MCF2L: variants seen among roughly 807,000 people sequenced by gnomAD.
MCF2L encodes the protein guanine nucleotide exchange factor DBS.
MCF2L carries 97 observed loss-of-function variants against 153.4 expected under a neutral mutation model. That is an observed-to-expected ratio of 0.63 (90% confidence interval 0.54 to 0.75). The LOEUF is 0.75. Ranked by LOEUF, MCF2L falls within the 30% of genes least tolerant of loss-of-function variation. The pLI, the probability that MCF2L is intolerant of heterozygous loss-of-function variation, is 0.00. For missense variants in MCF2L, 1,347 were observed against 1,495.2 expected (o/e 0.90, Z 1.64); for synonymous variants, 659 against 632.2 (o/e 1.04, Z -0.64).
At chr13:113,010,451 TG>T (rs2084016736) in intron 1 of MCF2L, 1 of 152,186 alleles carries the variant, frequency 6.6e-6, no homozygotes, top group Admixed American at 6.5e-5. Flanking sequence ...AAGTCAGTGG[TG>T]GGGCCTCACC....
chr13:112,955,777 G>A (rs913408792), intron 2 of MCF2L, among the ~76,000 whole-genome samples: 4 of 152,208 alleles, frequency 2.6e-5, no homozygotes, highest in Admixed American at 2.0e-4. Flanking sequence ...CTTGTCTGCT[G>A]TCGGAGAGTG....
intron 1 of MCF2L, chr13:113,001,619 C>A: frequency 8.4e-7 from 1 of 1,191,820 alleles, no homozygotes; most frequent in Admixed American, 4.2e-5. Context: ...ACACCAGGAA[C>A]CTGAAGCCTC....
rs1025555345 is a variant in MCF2L at position 113,028,519 on chromosome 13, G to A, written c.278+3761G>A. Among the ~76,000 whole-genome samples, 1 of 152,212 alleles carries A rather than the reference G, an allele frequency of 6.6e-6. No homozygotes were observed. Among genetic ancestry groups the A allele is most frequent in the African/African-American group, 2.4e-5 (1 of 41,452 alleles). ...GCGCATCTGTGAGTCGCACAGCCTGGTCTGGCTGAAGGTGGCCGGAGCGCA... is the reference window on the plus strand; with the variant it reads ...GCGCATCTGTGAGTCGCACAGCCTGATCTGGCTGAAGGTGGCCGGAGCGCA... On this transcript the variant is annotated intron_variant, in intron 3 of 29. Transcript: ENST00000535094. The surrounding 1 kb of genome is among the most constrained non-coding windows in gnomAD (Gnocchi z 5.4).
At chr13:112,991,881 C>T (rs1408140012) in intron 1 of MCF2L, among the ~76,000 whole-genome samples, 1 of 152,282 alleles carries the variant, frequency 6.6e-6, no homozygotes, top group South Asian at 2.1e-4. Context: ...ATTCAGCCCA[C>T]GAAAACAATT....
rs1186802169 is a variant in MCF2L, at chr13:112,983,128, G to T, written c.79+13670G>T. 6.6e-6 allele frequency among the ~76,000 whole-genome samples: 1 copy of T among 152,096 alleles called. No homozygotes were observed. Among genetic ancestry groups the T allele is most frequent in the Non-Finnish European group, 1.5e-5 (1 of 68,020 alleles). ...GTTCAGGTGCGGCCCACGGGCTGTG[G>T]CAGGGACGCAGCACTCAGCAGGTGC... is the stretch of plus-strand genomic sequence containing the variant. On this transcript the variant is annotated intron_variant, in intron 1 of 29. Coordinates refer to ENST00000535094, the MANE Select transcript of MCF2L (RefSeq NM_001112732.3). This position sits in a 1 kb window ranked among gnomAD's most constrained non-coding sequence, Gnocchi z 4.0.
chr13:113,084,636 T>TC (rs1566868560), intron 18 of MCF2L: 4 of 552,400 alleles, frequency 7.2e-6, no homozygotes, highest in Non-Finnish European at 3.2e-6. Context: ...CCGTCTCCAC[T>TC]CCACGCCTGT....
At chr13:112,971,674 G>A (rs893602131) in intron 1 of MCF2L, among the ~76,000 whole-genome samples, 1 of 152,208 alleles carries the variant, frequency 6.6e-6, no homozygotes, top group South Asian at 2.1e-4. Flanking sequence ...GATAATGTGT[G>A]CTGTCCATAT....
At chr13:112,962,834 C>T (rs553433902) in intron 2 of MCF2L, among the ~76,000 whole-genome samples, 41 of 152,308 alleles carry the variant, frequency 2.7e-4, no homozygotes, top group South Asian at 1.0e-3. Context: ...CCCAGGCAGC[C>T]GATGCCCTCA....
At chr13:112,912,689 A>C (rs1228981811) in intron 2 of MCF2L, among the ~76,000 whole-genome samples, 2 of 152,174 alleles carry the variant, frequency 1.3e-5, no homozygotes, top group Non-Finnish European at 2.9e-5. Flanking sequence ...GAAGTCACCT[A>C]ATAAATATCC....
intron 1 of MCF2L, chr13:112,979,472 G>A: frequency 7.0e-7 from 1 of 1,427,788 alleles, no homozygotes; most frequent in Non-Finnish European, 9.1e-7. Flanking sequence ...GTTCTTTCTT[G>A]TGAGTTGGCG....
chr13:112,997,389 A>T (rs560814749), intron 1 of MCF2L, among the ~76,000 whole-genome samples: 13 of 152,302 alleles, frequency 8.5e-5, no homozygotes, highest in African/African-American at 2.9e-4. Context: ...CAGCTCCTGC[A>T]GACACCTGTG....
intron 2 of MCF2L, among the ~76,000 whole-genome samples, chr13:113,016,143 C>T (rs1407380682): frequency 6.6e-6 from 1 of 152,198 alleles, no homozygotes; most frequent in East Asian, 1.9e-4. Context: ...AGCCCAGGAG[C>T]TCTGGGGGGG....
chr13:112,950,731 T>G (rs765285931), intron 2 of MCF2L, among the ~76,000 whole-genome samples: 1 of 152,202 alleles, frequency 6.6e-6, no homozygotes, highest in African/African-American at 2.4e-5. Context: ...TGATAAGTTC[T>G]AACAATGAAC....
intron 27 of MCF2L, chr13:113,094,859 T>C: frequency 9.1e-7 from 1 of 1,098,858 alleles, no homozygotes; most frequent in Non-Finnish European, 1.3e-6. Flanking sequence ...CCCCAGCTCC[T>C]CCTAACTCTC....
At chr13:112,971,263 T>G (rs2082029630) in intron 1 of MCF2L, among the ~76,000 whole-genome samples, 2 of 152,176 alleles carry the variant, frequency 1.3e-5, no homozygotes, top group Admixed American at 1.3e-4. Context: ...GATCCCCACC[T>G]CGGGTTTAAA....
At chr13:112,991,756 G>C (rs144578953) in intron 1 of MCF2L, among the ~76,000 whole-genome samples, 10 of 152,306 alleles carry the variant, frequency 6.6e-5, no homozygotes, top group Non-Finnish European at 1.2e-4. Flanking sequence ...CATTTGCTCA[G>C]AGCCAGGAGC....
chr13:113,045,509 GC>G lies in MCF2L; in HGVS notation c.369+155del. ...CCGGCGGGTGGAGGCCGGCGCCAAG[GC>G]CCCCCCTGCTTGGGCTCCCAAGGCA... On this transcript the variant is annotated intron_variant, in intron 4 of 29. Transcript: ENST00000535094. This position sits in a 1 kb window ranked among gnomAD's most constrained non-coding sequence, Gnocchi z 4.2. The G allele has an allele frequency of 1.7e-5, 12 of 689,706 alleles. No individual in the cohort carries two copies. Among genetic ancestry groups the G allele is most frequent in the Non-Finnish European group, 2.8e-5 (11 of 399,412 alleles). The allele number at this position is 689,706 out of a possible 1,614,324, so 42.7% of individuals were successfully genotyped here.
chr13:112,922,090 G>C (rs979145318), intron 2 of MCF2L, among the ~76,000 whole-genome samples: 7 of 152,228 alleles, frequency 4.6e-5, no homozygotes, highest in Non-Finnish European at 1.5e-5. Flanking sequence ...GAGGCCCAGA[G>C]CTGGAAACGT....
rs566684406 is a variant in MCF2L, at chr13:113,030,338, G to T, written c.278+5580G>T. 2.1e-3 allele frequency among the ~76,000 whole-genome samples: 219 copies of T among 105,074 alleles called. 3 individuals carry two copies. Among genetic ancestry groups the T allele is most frequent in the African/African-American group, 8.6e-3 (206 of 23,858 alleles). The allele number at this position is 105,074 out of a possible 152,430, so 68.9% of individuals were successfully genotyped here. On this transcript the variant is annotated intron_variant, in intron 3 of 29. Coordinates refer to ENST00000535094, the MANE Select transcript of MCF2L (RefSeq NM_001112732.3). ...TGTGGACCCTCAGGTGTCTGCCGAC[G>T]CCCGGTGTGGACTCTCAGGTGTCCG...
Sources: allele counts gnomAD v4.1 joint callset (sites outside exome capture counted in the v4.1 genomes callset), GRCh38; gene constraint gnomAD v4.1.1; non-coding constraint Gnocchi (gnomAD v3.1); transcripts MANE v1.5; gene names NCBI Gene and HGNC (gene_info 2026-07-23, HGNC 2026-07-21).